Variants in ITGA9 observed in about 807,000 individuals in gnomAD.
The protein encoded by ITGA9 is integrin alpha-9.
In ITGA9, 56 loss-of-function variants were observed where a neutral mutation model predicts 127.8. The ratio of observed to expected loss-of-function variants is 0.44; its 90% CI spans 0.35 to 0.55. The LOEUF (loss-of-function observed/expected upper bound fraction) is 0.55. Among genes scored for constraint, ITGA9 ranks in the 20% least tolerant of loss-of-function variants. ITGA9 has a pLI of 0.00. For missense variants in ITGA9, 1,196 were observed against 1,347.1 expected, an observed-to-expected ratio of 0.89 and a Z score of 1.76; for synonymous variants, 508 against 514.5, an observed-to-expected ratio of 0.99 and a Z score of 0.17.
intron 15 of ITGA9, among the ~76,000 whole-genome samples, chr3:37,587,493 TG>T (rs1354388185): frequency 1.3e-5 from 2 of 152,172 alleles, no homozygotes; most frequent in African/African-American, 4.8e-5. Flanking sequence ...CTGAATAGTT[TG>T]TAATATCCTT....
At chr3:37,658,571 A>G (rs575085985) in intron 17 of ITGA9, among the ~76,000 whole-genome samples, 11 of 152,232 alleles carry the variant, frequency 7.2e-5, no homozygotes, top group Admixed American at 2.0e-4. Context: ...TTTTGAGCCT[A>G]TACGTGTCTT....
chr3:37,705,944 A>G (rs1316123656), intron 18 of ITGA9, among the ~76,000 whole-genome samples: 1 of 152,234 alleles, frequency 6.6e-6, no homozygotes, highest in East Asian at 1.9e-4. Flanking sequence ...TAGTGGGGCC[A>G]GGCCCCATGT....
At chr3:37,735,016 C>T (rs779942806) in intron 19 of ITGA9, among the ~76,000 whole-genome samples, 8 of 152,224 alleles carry the variant, frequency 5.3e-5, no homozygotes, top group African/African-American at 1.4e-4. Context: ...GCCCAGCGTG[C>T]ACTCCCATGT....
At chr3:37,615,643 A>C (rs1463762134) in intron 15 of ITGA9, among the ~76,000 whole-genome samples, 1 of 152,142 alleles carries the variant, frequency 6.6e-6, no homozygotes, top group East Asian at 1.9e-4. Context: ...TCAATTTCAG[A>C]GCCTGTTATT....
chr3:37,766,063 A>T (rs1316493117), intron 23 of ITGA9, among the ~76,000 whole-genome samples: 4 of 152,266 alleles, frequency 2.6e-5, no homozygotes, highest in Non-Finnish European at 4.4e-5. Context: ...TTGCCATGGC[A>T]GGGGTGATGG....
intron 18 of ITGA9, among the ~76,000 whole-genome samples, chr3:37,710,247 A>G: frequency 6.6e-6 from 1 of 152,200 alleles, no homozygotes; most frequent in East Asian, 1.9e-4. Context: ...AGTTTGCTCC[A>G]CGTTACAAAG....
At chr3:37,561,968 G>T (rs78379005) in intron 15 of ITGA9, among the ~76,000 whole-genome samples, 7,066 of 152,246 alleles carry the variant, frequency 0.046, 226 homozygotes, top group East Asian at 0.1. Flanking sequence ...TTTCCTCTGT[G>T]CCACAAATAA....
At chr3:37,579,620 G>A (rs1279100336) in intron 15 of ITGA9, among the ~76,000 whole-genome samples, 1 of 152,116 alleles carries the variant, frequency 6.6e-6, no homozygotes, top group Non-Finnish European at 1.5e-5. Flanking sequence ...GGTTAAAAGG[G>A]AAAAGTAGAG....
intron 4 of ITGA9, among the ~76,000 whole-genome samples, chr3:37,482,138 T>A (rs1212602227): frequency 2.6e-5 from 4 of 152,172 alleles, no homozygotes; most frequent in African/African-American, 9.7e-5. Flanking sequence ...CCAGGATTCA[T>A]AAAGCAACAG....
rs549802340 is a variant in ITGA9, at chr3:37,799,692, T to A, written c.2890-4131T>A. ...GAGACCTGTGCCTTAGAAAAACAACTCTATCAGCAAGGAGGCCTTTCCAAG... is the reference window on the plus strand; with the variant it reads ...GAGACCTGTGCCTTAGAAAAACAACACTATCAGCAAGGAGGCCTTTCCAAG... On this transcript the variant is annotated intron_variant, in intron 26 of 27. Coordinates refer to ENST00000264741, the MANE Select transcript of ITGA9 (RefSeq NM_002207.3). The surrounding 1 kb of genome is among the most constrained non-coding windows in gnomAD (Gnocchi z 4.0). Among the ~76,000 whole-genome samples, 1 of 152,102 alleles carries A rather than the reference T, an allele frequency of 6.6e-6. No individual in the cohort carries two copies. The highest frequency in any genetic ancestry group is 2.4e-5 in the African/African-American group (1 of 41,492).
Position 37,605,523 on chromosome 3 carries a change from A to G in ITGA9, c.1690-23664A>G, listed in dbSNP as rs574318346. The stretch of plus-strand genomic sequence containing the variant: ...ATTCTGCCTCTGCTACTTCATTCCT[A>G]TGCAACTTTGGGCAGGTTTCCTAAT... On this transcript the variant is annotated intron_variant, in intron 15 of 27. Coordinates refer to ENST00000264741, the MANE Select transcript of ITGA9 (RefSeq NM_002207.3). Among the ~76,000 whole-genome samples the G allele has an allele frequency of 2.2e-4, 33 of 152,308 alleles. No individual in the cohort carries two copies. The South Asian group carries it at 6.0e-3, about 28-fold the overall frequency.
intron 14 of ITGA9, among the ~76,000 whole-genome samples, chr3:37,534,940 G>A (rs540476436): frequency 2.2e-4 from 34 of 152,318 alleles, no homozygotes; most frequent in Non-Finnish European, 4.6e-4. Context: ...TGATAGTTCT[G>A]GGACTCGTGT....
intron 15 of ITGA9, among the ~76,000 whole-genome samples, chr3:37,622,316 TCTGACCTCATGATCCAC>T (rs1700136162): frequency 6.6e-6 from 1 of 151,802 alleles, no homozygotes; most frequent in Non-Finnish European, 1.5e-5. Flanking sequence ...GTCTCGATCT[TCTGACCTCATGATCCAC>T]CTGCCTCGGC....
chr3:37,783,004 T>G (rs984902726), intron 25 of ITGA9, among the ~76,000 whole-genome samples: 1 of 152,110 alleles, frequency 6.6e-6, no homozygotes, highest in African/African-American at 2.4e-5. Context: ...CCTGGCATGG[T>G]GGTGGGCACC....
At chr3:37,709,131 C>T (rs544574249) in intron 18 of ITGA9, among the ~76,000 whole-genome samples, 1 of 152,022 alleles carries the variant, frequency 6.6e-6, no homozygotes, top group Non-Finnish European at 1.5e-5. Flanking sequence ...TAATGTTGAC[C>T]TTATAAATTT....
chr3:37,603,820 AACCCAAGGTTTCTG>A (rs879428688), intron 15 of ITGA9, among the ~76,000 whole-genome samples: 18 of 152,196 alleles, frequency 1.2e-4, no homozygotes, highest in Non-Finnish European at 2.2e-4. Flanking sequence ...AAAGGTTTCC[AACCCAAGGTTTCTG>A]ACCTGGAGCC....
chr3:37,573,664 C>A (rs983814133), intron 15 of ITGA9, among the ~76,000 whole-genome samples: 1 of 152,204 alleles, frequency 6.6e-6, no homozygotes, highest in Non-Finnish European at 1.5e-5. Flanking sequence ...GTGAGATTTC[C>A]GAGAGAGTGC....
intron 24 of ITGA9, among the ~76,000 whole-genome samples, chr3:37,779,445 G>A (rs76972444): frequency 0.033 from 5,078 of 152,192 alleles, 106 homozygotes; most frequent in Non-Finnish European, 0.047. Context: ...TTTTCTTGAG[G>A]AAGTGTCACA....
intron 23 of ITGA9, among the ~76,000 whole-genome samples, chr3:37,772,786 T>C (rs969585470): frequency 3.3e-5 from 5 of 152,194 alleles, no homozygotes; most frequent in Admixed American, 1.3e-4. Flanking sequence ...GATTCCCATG[T>C]AACCACAGTC....
Sources: gnomAD v4.1 joint callset for allele counts (sites outside exome capture counted in the v4.1 genomes callset) on GRCh38, gnomAD v4.1.1 for gene constraint, Gnocchi (gnomAD v3.1) non-coding constraint, MANE v1.5 for transcripts, NCBI Gene and HGNC (gene_info 2026-07-23, HGNC 2026-07-21) for gene names.